The following GBF1 variants were observed in gnomAD, a reference collection of about 807,000 sequenced individuals.
The protein encoded by GBF1 is golgi brefeldin A resistant guanine nucleotide exchange factor 1, also known as Golgi-specific brefeldin A-resistance guanine nucleotide exchange factor 1.
A neutral mutation model predicts 210.5 loss-of-function variants in GBF1; 114 were observed. The ratio of observed to expected loss-of-function variants is 0.54; its 90% CI spans 0.47 to 0.63. GBF1 has a LOEUF of 0.63. Among genes scored for constraint, GBF1 ranks in the 30% least tolerant of loss-of-function variants. The probability of loss-of-function intolerance (pLI) is 0.00; values close to 1 mark genes in which losing one functional copy is unlikely to be tolerated. For missense variants in GBF1, 1,851 were observed against 2,357.7 expected, an observed-to-expected ratio of 0.79 and a Z score of 4.45; for synonymous variants, 850 against 889.2, an observed-to-expected ratio of 0.96 and a Z score of 0.78.
intron 3 of GBF1, among the ~76,000 whole-genome samples, chr10:102,296,274 G>T (rs2133757657): frequency 6.6e-6 from 1 of 152,286 alleles, no homozygotes; most frequent in Non-Finnish European, 1.5e-5. Context: ...AAATAAGAAA[G>T]AAGGGTTATG....
chr10:102,353,604 C>T lies in GBF1; in HGVS notation c.589C>T (p.Pro197Ser). ...DMVQLLFTRL[P>S]QFKEEPKNYV... ...GATGGATTTTCTATCTTATAGGTTA[C>T]CTCAGTTTAAAGAAGAACCCAAGAA... Residue 197 changes from proline to serine, a missense_variant, in exon 8 of 40, where the codon CCT (proline) becomes TCT (serine). Transcript: ENST00000369983. The T allele has an allele frequency of 6.2e-7, 1 of 1,600,336 alleles. No individual in the cohort carries two copies. The highest frequency in any genetic ancestry group is 8.6e-7 in the Non-Finnish European group (1 of 1,167,556).
upstream of GBF1, among the ~76,000 whole-genome samples, chr10:102,244,733 GAA>G (rs2070674360): frequency 6.6e-6 from 1 of 152,214 alleles, no homozygotes; most frequent in African/African-American, 2.4e-5. Context: ...AAAAGGCGAT[GAA>G]AAGAGTTGGC....
Position 102,352,510 on chromosome 10 carries a change from C to G in GBF1, c.576C>G (p.Leu192=), listed in dbSNP as rs1223761930. Reference sequence around the variant, plus strand: ...CTCTCGTAGACATGGTGCAGCTGCTCTTCACAAGGTAAACCTGCTGCTGTT... The same window carrying G: ...CTCTCGTAGACATGGTGCAGCTGCTGTTCACAAGGTAAACCTGCTGCTGTT... ...EHTLVDMVQL[L]FTRLPQFKEE... is the part of the protein sequence containing the mutation. The change falls in exon 7 of 40, where the codon CTC becomes CTG. Residue 192 remains leucine, a synonymous_variant. Transcript: ENST00000369983. The G allele has an allele frequency of 6.2e-7, 1 of 1,609,348 alleles. No individual in the cohort carries two copies. Among genetic ancestry groups the G allele is most frequent in the Non-Finnish European group, 8.5e-7 (1 of 1,175,694 alleles).
chr10:102,350,558 G>A (rs2058885583), intron 4 of GBF1, among the ~76,000 whole-genome samples: 1 of 152,082 alleles, frequency 6.6e-6, no homozygotes, highest in South Asian at 2.1e-4. Context: ...CTTGTTCTGA[G>A]TCAAAAACTC....
chr10:102,366,389 C>G lies in GBF1; in HGVS notation c.2316C>G (p.Phe772Leu), dbSNP rs1359792199. ...TTCCTTTCTTTCCCTATAGCACCTTCAGTTTTCAGGGTCTGCGACTGGACG... is the reference window on the plus strand; with the variant it reads ...TTCCTTTCTTTCCCTATAGCACCTTGAGTTTTCAGGGTCTGCGACTGGACG... ...IDLLESFVST[F>L]SFQGLRLDEA... Residue 772 changes from phenylalanine (F) to leucine (L), a missense_variant, in exon 19 of 40, where the codon TTC (phenylalanine) becomes TTG (leucine). Phe to Leu is a conservative substitution (Grantham distance 22, BLOSUM62 0). Transcript: ENST00000369983. The surrounding 1 kb of genome is among the most constrained non-coding windows in gnomAD (Gnocchi z 4.0). 1 of 1,613,942 alleles carries G rather than the reference C, an allele frequency of 6.2e-7. No individual in the cohort carries two copies. Among genetic ancestry groups the G allele is most frequent in the African/African-American group, 1.3e-5 (1 of 74,910 alleles).
chr10:102,350,619 C>T (rs2058890354), intron 4 of GBF1, among the ~76,000 whole-genome samples: 1 of 152,088 alleles, frequency 6.6e-6, no homozygotes, highest in South Asian at 2.1e-4. Context: ...ACTAGTGATT[C>T]CCAGAGTATG....
intron 3 of GBF1, among the ~76,000 whole-genome samples, chr10:102,323,798 T>C (rs1360760200): frequency 6.6e-6 from 1 of 152,194 alleles, no homozygotes; most frequent in African/African-American, 2.4e-5. Flanking sequence ...GGGAAGCCTT[T>C]CTTTTAATGT....
At chr10:102,371,118 T>C (rs979457271) in intron 29 of GBF1, among the ~76,000 whole-genome samples, 3 of 152,166 alleles carry the variant, frequency 2.0e-5, no homozygotes, top group African/African-American at 4.8e-5. Flanking sequence ...TGCCTTATAA[T>C]AGTCTCAGCC....
chr10:102,321,111 AC>A (rs2056348938), intron 3 of GBF1, among the ~76,000 whole-genome samples: 1 of 151,994 alleles, frequency 6.6e-6, no homozygotes, highest in African/African-American at 2.4e-5. Flanking sequence ...TTAATTCTTA[AC>A]CACTCTGAAC....
rs1482598865 is a variant in GBF1, at chr10:102,379,513, G to T, written c.4646-8G>T. On this transcript the variant is annotated splice_region_variant and splice_polypyrimidine_tract_variant and intron_variant, in intron 34 of 39. Coordinates refer to ENST00000369983, the MANE Select transcript of GBF1 (RefSeq NM_001377137.1). ...CCTGAAGGATCCTGACCCTGCTCTT[G>T]CTCTCAGGTATTGCCTGCCTGTGCT... 1 of 1,613,986 alleles carries T rather than the reference G, an allele frequency of 6.2e-7. No homozygotes were observed. Among genetic ancestry groups the T allele is most frequent in the African/African-American group, 1.3e-5 (1 of 74,900 alleles).
At chr10:102,340,988 G>C (rs988040818) in intron 3 of GBF1, among the ~76,000 whole-genome samples, 1 of 152,150 alleles carries the variant, frequency 6.6e-6, no homozygotes, top group Non-Finnish European at 1.5e-5. Context: ...AAAAGTGTCT[G>C]TTCTATGAAA....
intron 3 of GBF1, among the ~76,000 whole-genome samples, chr10:102,261,615 CTTT>C (rs10711743): frequency 2.2e-4 from 25 of 116,070 alleles, no homozygotes; most frequent in Non-Finnish European, 2.6e-4. Context: ...TTCTTTCTTT[CTTT>C]TTTTTTTTTT....
chr10:102,233,210 G>A, the GBF1 span, among the ~76,000 whole-genome samples: 1 of 151,812 alleles, frequency 6.6e-6, no homozygotes, highest in Non-Finnish European at 1.5e-5. Context: ...ACTCAGCTGC[G>A]GTTCTAGCCT....
intron 3 of GBF1, among the ~76,000 whole-genome samples, chr10:102,292,897 G>A (rs2076561195): frequency 6.6e-6 from 1 of 152,068 alleles, no homozygotes; most frequent in Non-Finnish European, 1.5e-5. Context: ...TTGTCTTTCT[G>A]TTGTCCAGTT....
intron 29 of GBF1, 32 bp downstream of exon 29, chr10:102,370,892 G>A (rs1183213651): frequency 6.2e-7 from 1 of 1,603,072 alleles, no homozygotes; most frequent in Non-Finnish European, 8.5e-7. Context: ...GAGTGGGCAG[G>A]TATGCAAGGG....
At chr10:102,270,255 C>T (rs1440484738) in intron 3 of GBF1, among the ~76,000 whole-genome samples, 2 of 151,064 alleles carry the variant, frequency 1.3e-5, no homozygotes, top group African/African-American at 2.4e-5. Context: ...CTGCAACCTC[C>T]GCCTCCTGGG....
At chr10:102,254,609 T>C (rs920519516) in intron 1 of GBF1, among the ~76,000 whole-genome samples, 5 of 152,202 alleles carry the variant, frequency 3.3e-5, no homozygotes, top group Non-Finnish European at 7.4e-5. Context: ...GGGAATGTTC[T>C]AGACCCAGCT....
chr10:102,369,211 T>G lies in GBF1; in HGVS notation c.2974T>G (p.Ser992Ala). The change falls in exon 24 of 40, where the codon TCT becomes GCT. Residue 992 changes from serine to alanine, a missense_variant and splice_region_variant. Transcript: ENST00000369983. ...LCKFTALSSE[S>A]IENLPSVFGS... ...AGTCTGTTCTCTTCCTCTTTTCCAG[T>G]CTATTGAGAACCTGCCCAGTGTATT... 1 of 1,607,760 alleles carries G rather than the reference T, an allele frequency of 6.2e-7. No homozygotes were observed. The highest frequency in any genetic ancestry group is 2.2e-5 in the East Asian group (1 of 44,800).
At chr10:102,234,135 G>A in the GBF1 span, among the ~76,000 whole-genome samples, 2 of 152,222 alleles carry the variant, frequency 1.3e-5, no homozygotes, top group Non-Finnish European at 2.9e-5. Context: ...AGCCTAGATT[G>A]AGATGTGTGT....
Sources: allele counts gnomAD v4.1 joint callset (sites outside exome capture counted in the v4.1 genomes callset), GRCh38; gene constraint gnomAD v4.1.1; non-coding constraint Gnocchi (gnomAD v3.1); transcripts MANE v1.5; gene names NCBI Gene and HGNC (gene_info 2026-07-23, HGNC 2026-07-21).